DOCK1: variants seen among roughly 807,000 people sequenced by gnomAD.
DOCK1 encodes the protein dedicator of cytokinesis protein 1.
DOCK1 carries 138 observed loss-of-function variants against 262.7 expected under a neutral mutation model. The ratio of observed to expected loss-of-function variants is 0.53; its 90% CI spans 0.46 to 0.61. DOCK1 has a LOEUF of 0.61. DOCK1 is among the 20% of genes least tolerant of loss of function. The pLI is 0.00. For synonymous variants in DOCK1, 866 were observed against 867.4 expected, an observed-to-expected ratio of 1.00 and a Z score of 0.03; for missense variants, 1,908 against 2,370.7, an observed-to-expected ratio of 0.80 and a Z score of 4.05.
chr10:126,977,167 C>G (rs367598951), intron 2 of DOCK1, among the ~76,000 whole-genome samples: 34 of 152,274 alleles, frequency 2.2e-4, no homozygotes, highest in Non-Finnish European at 7.4e-5. Context: ...ACGGTAGACC[C>G]CTAGGCCTTT....
intron 1 of DOCK1, among the ~76,000 whole-genome samples, chr10:126,941,468 A>G (rs2034972778): frequency 6.6e-6 from 1 of 152,198 alleles, no homozygotes; most frequent in African/African-American, 2.4e-5. Flanking sequence ...GTTAAACAGC[A>G]TCTGTGGGCC....
At chr10:127,137,899 G>A (rs374044414) in intron 27 of DOCK1, 5 of 1,614,030 alleles carry the variant, frequency 3.1e-6, no homozygotes, top group Non-Finnish European at 8.5e-7. Flanking sequence ...TTTTGCTTGG[G>A]AGTTGAGGAG....
At chr10:127,123,612 A>G (rs2049752881) in intron 25 of DOCK1, among the ~76,000 whole-genome samples, 1 of 152,188 alleles carries the variant, frequency 6.6e-6, no homozygotes, top group Admixed American at 6.5e-5. Context: ...TAGGAAAGGC[A>G]TTGAGATTTG....
intron 33 of DOCK1, among the ~76,000 whole-genome samples, chr10:127,364,224 AAC>A (rs1247604483): frequency 2.0e-5 from 3 of 152,288 alleles, no homozygotes; most frequent in African/African-American, 7.2e-5. Flanking sequence ...ACAGGAGATG[AAC>A]AGAGTCTGAC....
At chr10:127,110,421 A>C in intron 25 of DOCK1, 67 bp downstream of exon 25, 3 of 1,420,890 alleles carry the variant, frequency 2.1e-6, no homozygotes, top group Non-Finnish European at 2.9e-6. Context: ...TGACCCTCTG[A>C]ATTGCCTCTT....
chr10:127,315,247 G>A (rs1193523120), intron 29 of DOCK1, among the ~76,000 whole-genome samples: 2 of 152,204 alleles, frequency 1.3e-5, no homozygotes, highest in African/African-American at 2.4e-5. Flanking sequence ...ACGGGAACCT[G>A]TTCTGTGGAC....
chr10:127,089,392 C>T (rs1041556597), intron 23 of DOCK1, among the ~76,000 whole-genome samples: 5 of 152,172 alleles, frequency 3.3e-5, no homozygotes, highest in African/African-American at 1.2e-4. Context: ...TGCGCCTCCT[C>T]CACCTAGCCC....
intron 1 of DOCK1, among the ~76,000 whole-genome samples, chr10:126,927,696 C>T (rs2033860039): frequency 6.6e-6 from 1 of 152,146 alleles, no homozygotes; most frequent in Non-Finnish European, 1.5e-5. Context: ...CTCGGCCTCC[C>T]AAAGTGCTGG....
At chr10:127,367,571 C>T (rs575135320) in intron 33 of DOCK1, among the ~76,000 whole-genome samples, 203 of 152,248 alleles carry the variant, frequency 1.3e-3, no homozygotes, top group African/African-American at 4.5e-3. Flanking sequence ...CTAGTGGAAG[C>T]CTGCTGTGAA....
intron 32 of DOCK1, among the ~76,000 whole-genome samples, chr10:127,358,005 T>A (rs736154): frequency 0.19 from 28,873 of 151,952 alleles, 2,916 homozygotes; most frequent in Middle Eastern, 0.34. Context: ...TTTTTTTTTT[T>A]TTATTTTAAT....
chr10:127,208,711 G>A (rs115013684), intron 27 of DOCK1, among the ~76,000 whole-genome samples: 63 of 152,216 alleles, frequency 4.1e-4, no homozygotes, highest in African/African-American at 1.3e-3. Flanking sequence ...TGAACATTGA[G>A]ATCACTGAGC....
At position 127,043,048 on chromosome 10, in the gene DOCK1, T is replaced by C. The variant is rs1209601889; in HGVS notation, c.2101-16T>C. Reference sequence around the variant, plus strand: ...CATTATGTTGCTAATGAAAATATTATTGATTAATTTGACAGGTATTTATCA... The same window carrying C: ...CATTATGTTGCTAATGAAAATATTACTGATTAATTTGACAGGTATTTATCA... On this transcript the variant is annotated splice_polypyrimidine_tract_variant and intron_variant, in intron 20 of 51. Coordinates refer to ENST00000623213, the MANE Select transcript of DOCK1 (RefSeq NM_001290223.2). 3 of 1,563,898 alleles carry C rather than the reference T, an allele frequency of 1.9e-6. No homozygotes were observed. The highest frequency in any genetic ancestry group is 1.8e-4 in the Middle Eastern group (1 of 5,708).
chr10:127,388,705 C>T lies in DOCK1; in HGVS notation c.3927+3796C>T, dbSNP rs551312039. On this transcript the variant is annotated intron_variant, in intron 38 of 51. Coordinates refer to ENST00000623213, the MANE Select transcript of DOCK1 (RefSeq NM_001290223.2). ...AGAGGAACACAGCCGGAGAGGACAG[C>T]AAAGAGTCCCCCGCCCTGGGGCTTC... 5.3e-5 allele frequency among the ~76,000 whole-genome samples: 8 copies of T among 152,294 alleles called. No homozygotes were observed. In the East Asian group the frequency reaches 1.6e-3, roughly 30 times the overall value.
At chr10:127,040,747 T>G (rs1291737806) in intron 19 of DOCK1, among the ~76,000 whole-genome samples, 1 of 152,192 alleles carries the variant, frequency 6.6e-6, no homozygotes, top group Non-Finnish European at 1.5e-5. Flanking sequence ...ACCCATTTAT[T>G]TTTATTTTTC....
intron 27 of DOCK1, among the ~76,000 whole-genome samples, chr10:127,203,134 T>C (rs1218818353): frequency 6.6e-6 from 1 of 152,280 alleles, no homozygotes; most frequent in Non-Finnish European, 1.5e-5. Context: ...TCTCACGTTT[T>C]CTTCGTTGAA....
intron 47 of DOCK1, among the ~76,000 whole-genome samples, chr10:127,426,884 C>A (rs2068849006): frequency 6.6e-6 from 1 of 152,134 alleles, no homozygotes; most frequent in African/African-American, 2.4e-5. Context: ...ATGCAAAAAC[C>A]TTGCAGTTCA....
intron 27 of DOCK1, among the ~76,000 whole-genome samples, chr10:127,142,657 G>A (rs959916206): frequency 7.2e-5 from 11 of 152,120 alleles, no homozygotes; most frequent in African/African-American, 1.7e-4. Flanking sequence ...GACAAGACAC[G>A]AATTCCTGGG....
chr10:127,357,635 T>A (rs995321551), intron 32 of DOCK1, among the ~76,000 whole-genome samples: 3 of 152,212 alleles, frequency 2.0e-5, no homozygotes, highest in African/African-American at 7.2e-5. Flanking sequence ...GTTTTGCAGC[T>A]TTTTAGCCAG....
chr10:127,175,739 C>A lies in DOCK1; in HGVS notation c.2847+47975C>A. The stretch of plus-strand genomic sequence containing the variant: ...CCCTCCCGAGCAGCTGGTAATCGGG[C>A]TCTTCGGATGGAGGCCGAGTGGAGT... On this transcript the variant is annotated intron_variant, in intron 27 of 51. Transcript: ENST00000623213. This position sits in a 1 kb window ranked among gnomAD's most constrained non-coding sequence, Gnocchi z 6.3. The A allele has an allele frequency of 1.2e-6, 2 of 1,614,076 alleles. No individual in the cohort carries two copies. The highest frequency in any genetic ancestry group is 8.5e-7 in the Non-Finnish European group (1 of 1,180,022).
Sources: gnomAD v4.1 joint callset for allele counts (sites outside exome capture counted in the v4.1 genomes callset) on GRCh38, gnomAD v4.1.1 for gene constraint, Gnocchi (gnomAD v3.1) non-coding constraint, MANE v1.5 for transcripts, NCBI Gene and HGNC (gene_info 2026-07-23, HGNC 2026-07-21) for gene names.